AVL9: variants seen among roughly 807,000 people sequenced by gnomAD.
AVL9 encodes AVL9 cell migration associated, also known as late secretory pathway protein AVL9 homolog.
Under a neutral mutation model 79.2 loss-of-function variants are expected in AVL9, and 49 were observed. That is an observed-to-expected ratio of 0.62 (90% CI 0.49 to 0.79). The LOEUF (loss-of-function observed/expected upper bound fraction) is 0.79. Ranked by LOEUF, AVL9 falls within the 30% of genes least tolerant of loss-of-function variation. The pLI is 0.00. For missense variants in AVL9, 682 were observed against 776.8 expected (o/e 0.88, Z 1.45); for synonymous variants, 299 against 280.6 (o/e 1.07, Z -0.65).
intron 13 of AVL9, among the ~76,000 whole-genome samples, chr7:32,578,419 A>G (rs908972566): frequency 1.3e-5 from 2 of 152,218 alleles, no homozygotes; most frequent in Non-Finnish European, 2.9e-5. Flanking sequence ...GCCTTTCTGA[A>G]TAGCCATCTT....
At chr7:32,513,781 A>G (rs1181728536) in intron 1 of AVL9, among the ~76,000 whole-genome samples, 5 of 152,184 alleles carry the variant, frequency 3.3e-5, no homozygotes, top group Admixed American at 6.5e-5. Context: ...TTCCCTCAGT[A>G]TTTATTGATC....
chr7:32,526,052 G>A (rs1008959438), intron 1 of AVL9, among the ~76,000 whole-genome samples: 2 of 152,098 alleles, frequency 1.3e-5, no homozygotes, highest in African/African-American at 4.8e-5. Context: ...TGAAACCTAG[G>A]TTACCACACA....
intron 3 of AVL9, among the ~76,000 whole-genome samples, chr7:32,546,989 A>G (rs559922693): frequency 6.6e-6 from 1 of 152,308 alleles, no homozygotes; most frequent in East Asian, 1.9e-4. Flanking sequence ...GAGGAAAAGC[A>G]GATTTATTTG....
intron 1 of AVL9, among the ~76,000 whole-genome samples, chr7:32,514,372 A>G (rs1787819536): frequency 6.6e-6 from 1 of 152,222 alleles, no homozygotes; most frequent in African/African-American, 2.4e-5. Context: ...TACTGCCTGC[A>G]AACACATTTT....
chr7:32,565,645 C>G (rs145307030), intron 10 of AVL9, among the ~76,000 whole-genome samples: 2 of 152,006 alleles, frequency 1.3e-5, no homozygotes, highest in Non-Finnish European at 2.9e-5. Flanking sequence ...AGAAGAATCA[C>G]TTGAGCTCAG....
chr7:32,517,782 G>A (rs958583569), intron 1 of AVL9, among the ~76,000 whole-genome samples: 2 of 150,848 alleles, frequency 1.3e-5, no homozygotes, highest in African/African-American at 4.9e-5. Context: ...TATAAACCCA[G>A]CCCAAAACAG....
intron 10 of AVL9, among the ~76,000 whole-genome samples, chr7:32,569,181 A>G (rs1000832623): frequency 2.6e-5 from 4 of 152,242 alleles, no homozygotes; most frequent in African/African-American, 9.6e-5. Flanking sequence ...TAAAAAAATA[A>G]AACTTATAGA....
Position 32,584,008 on chromosome 7 carries a change from C to T in AVL9, c.*101C>T, listed in dbSNP as rs1361445528. The T allele has an allele frequency of 1.2e-6, 1 of 822,274 alleles. No individual in the cohort carries two copies. The highest frequency in any genetic ancestry group is 1.9e-5 in the Admixed American group (1 of 52,040). The allele number at this position is 822,274 out of a possible 1,614,324, so 50.9% of individuals were successfully genotyped here. On this transcript the variant is annotated 3_prime_UTR_variant, in exon 16 of 16. Coordinates refer to ENST00000318709, the MANE Select transcript of AVL9 (RefSeq NM_015060.3). ...TAGCCACAGATCCACAGCAGGGGACCATATGTCGAACTGTTTACATGGATG... is the reference window on the plus strand; with the variant it reads ...TAGCCACAGATCCACAGCAGGGGACTATATGTCGAACTGTTTACATGGATG...
At chr7:32,564,225 G>A (rs183804004) in intron 10 of AVL9, among the ~76,000 whole-genome samples, 3 of 152,308 alleles carry the variant, frequency 2.0e-5, no homozygotes, top group African/African-American at 7.2e-5. Context: ...TATTAAATAC[G>A]TGATGGGCTT....
intron 1 of AVL9, among the ~76,000 whole-genome samples, chr7:32,525,819 T>C (rs6958667): frequency 0.36 from 54,794 of 152,034 alleles, 10,445 homozygotes; most frequent in African/African-American, 0.47. Flanking sequence ...CTTTGGCATC[T>C]CACTGGGCCT....
At chr7:32,552,387 T>A (rs767950851) in intron 6 of AVL9, 92 bp downstream of exon 6, 44 of 714,826 alleles carry the variant, frequency 6.2e-5, no homozygotes, top group Non-Finnish European at 1.0e-4. Context: ...TAGAATTACA[T>A]CTCTATATGG....
In AVL9 at chr7:32,559,341, C is replaced by T. The variant is rs748271273; in HGVS notation, c.1092C>T (p.Pro364=). ...QTNLFPKDSV[P]SESLPITVQP... Reference sequence around the variant, plus strand: ...ATTTGTTTCCAAAGGACTCTGTCCCCTCAGAGAGTCTTCCAATTACTGTAC... The same window carrying T: ...ATTTGTTTCCAAAGGACTCTGTCCCTTCAGAGAGTCTTCCAATTACTGTAC... Residue 364 remains proline (P), a synonymous_variant, in exon 10 of 16, where the codon CCC becomes CCT. Transcript: ENST00000318709. 1 of 1,613,992 alleles carries T rather than the reference C, an allele frequency of 6.2e-7. No individual in the cohort carries two copies. Among genetic ancestry groups the T allele is most frequent in the African/African-American group, 1.3e-5 (1 of 74,908 alleles).
Position 32,583,804 on chromosome 7 carries a change from G to A in AVL9, c.1844G>A (p.Gly615Glu). Residue 615 changes from glycine to glutamate, a missense_variant, in exon 16 of 16, where the codon GGA becomes GAA. Gly to Glu is a moderately conservative substitution (Grantham distance 98). Transcript: ENST00000318709. ...CCTCTCCATCCAGGCCAGTCAGTTG[G>A]AGGAGCTTTTTCCAGTGCAAAGACA... ...QTGKAVGQSV[G>E]GAFSSAKTAM... 2 of 1,613,472 alleles carry A rather than the reference G, an allele frequency of 1.2e-6. No individual in the cohort carries two copies. Among genetic ancestry groups the A allele is most frequent in the South Asian group, 1.1e-5 (1 of 91,016 alleles).
Position 32,586,869 on chromosome 7 carries a change from ACCAG to A in AVL9, c.*2963_*2966del, listed in dbSNP as rs1791817025. 2.0e-5 allele frequency: 3 copies of A among 152,218 alleles called. No individual in the cohort carries two copies. The allele number at this position is 152,218 out of a possible 1,614,324, so 9.4% of individuals were successfully genotyped here. The stretch of plus-strand genomic sequence containing the variant: ...AGGTAAGGAAGAGAGAGTTAAAACT[ACCAG>A]TTGTGGAATAGAAATAGTTGCATGT... On this transcript the variant is annotated 3_prime_UTR_variant, in exon 16 of 16. Transcript: ENST00000318709.
intron 1 of AVL9, among the ~76,000 whole-genome samples, chr7:32,517,894 C>T (rs1158749022): frequency 1.3e-5 from 2 of 151,726 alleles, no homozygotes; most frequent in African/African-American, 4.9e-5. Flanking sequence ...TGCAGTGGCA[C>T]GAACTTGGCT....
intron 1 of AVL9, among the ~76,000 whole-genome samples, chr7:32,510,294 G>A (rs1378417940): frequency 6.6e-6 from 1 of 151,530 alleles, no homozygotes; most frequent in African/African-American, 2.4e-5. Context: ...TCCAAGGTGA[G>A]ATTTGTGAGC....
At chr7:32,496,816 G>T (rs1160582295) in intron 1 of AVL9, among the ~76,000 whole-genome samples, 1 of 152,190 alleles carries the variant, frequency 6.6e-6, no homozygotes, top group Non-Finnish European at 1.5e-5. Context: ...GTGTTTGTGC[G>T]TAATTTTGAA....
At chr7:32,550,944 T>G (rs1322834644) in intron 4 of AVL9, among the ~76,000 whole-genome samples, 1 of 152,226 alleles carries the variant, frequency 6.6e-6, no homozygotes, top group Non-Finnish European at 1.5e-5. Context: ...TTTCTATGTG[T>G]CAGATACTTT....
At chr7:32,507,518 G>T (rs940563802) in intron 1 of AVL9, among the ~76,000 whole-genome samples, 1 of 152,106 alleles carries the variant, frequency 6.6e-6, no homozygotes, top group Non-Finnish European at 1.5e-5. Context: ...GTGCTTTTGT[G>T]TTCGGCTTCT....
Sources: gnomAD v4.1 joint callset for allele counts (sites outside exome capture counted in the v4.1 genomes callset) on GRCh38, gnomAD v4.1.1 for gene constraint, MANE v1.5 for transcripts, NCBI Gene and HGNC (gene_info 2026-07-23, HGNC 2026-07-21) for gene names.